Variants in WWOX observed in about 807,000 individuals in gnomAD.
The protein encoded by WWOX is WW domain containing oxidoreductase.
WWOX carries 69 observed loss-of-function variants against 46.2 expected under a neutral mutation model. The observed-to-expected ratio is 1.49, with a 90% CI of 1.23 to 1.82. WWOX has a LOEUF of 1.82. Ranked by LOEUF, WWOX falls within the 40% of genes most tolerant of loss-of-function variation. The pLI, the probability that WWOX is intolerant of heterozygous loss-of-function variation, is 0.00. For synonymous variants in WWOX, 359 were observed against 202.6 expected, an observed-to-expected ratio of 1.77 and a Z score of -6.56; for missense variants, 919 against 542.6, an observed-to-expected ratio of 1.69 and a Z score of -6.89.
rs147479499 is a variant in WWOX, at chr16:79,113,088, A to G, written c.1057-98520A>G. Among the ~76,000 whole-genome samples, 740 of 152,352 alleles carry G rather than the reference A, an allele frequency of 4.9e-3. 8 individuals carry two copies. Among genetic ancestry groups the G allele is most frequent in the African/African-American group, 0.017 (714 of 41,576 alleles). On this transcript the variant is annotated intron_variant, in intron 8 of 8. Coordinates refer to ENST00000566780, the MANE Select transcript of WWOX (RefSeq NM_016373.4). The stretch of plus-strand genomic sequence containing the variant: ...TGGTACCAGAACTCGGTCTGGTGGA[A>G]CAGAGAGATTAAGCAATCAGAAAAA...
chr16:78,412,548 G>A (rs1360711154), intron 6 of WWOX, among the ~76,000 whole-genome samples: 2 of 152,162 alleles, frequency 1.3e-5, no homozygotes, highest in African/African-American at 4.8e-5. Context: ...AAAAGAGGAA[G>A]GGTTGGAGGA....
chr16:78,639,794 G>T (rs955210004), intron 8 of WWOX, among the ~76,000 whole-genome samples: 9 of 152,128 alleles, frequency 5.9e-5, no homozygotes, highest in Non-Finnish European at 1.0e-4. Flanking sequence ...TTGAACTCCT[G>T]ACCTCAGGTG....
intron 8 of WWOX, among the ~76,000 whole-genome samples, chr16:78,602,742 T>G (rs1016610743): frequency 2.0e-5 from 3 of 152,354 alleles, no homozygotes; most frequent in African/African-American, 7.2e-5. Context: ...TACTGTATGC[T>G]GGGCACTGCA....
At chr16:78,999,371 G>A (rs1445458598) in intron 8 of WWOX, among the ~76,000 whole-genome samples, 1 of 152,186 alleles carries the variant, frequency 6.6e-6, no homozygotes, top group Non-Finnish European at 1.5e-5. Flanking sequence ...TCGAGAGGCT[G>A]AGGCAGGAGA....
intron 8 of WWOX, among the ~76,000 whole-genome samples, chr16:78,742,484 A>T (rs1043010505): frequency 2.6e-5 from 4 of 152,230 alleles, no homozygotes; most frequent in Non-Finnish European, 5.9e-5. Context: ...GTATTTATCT[A>T]CAGCGTGGAC....
At chr16:78,415,754 C>T (rs1870093599) in intron 6 of WWOX, among the ~76,000 whole-genome samples, 2 of 152,164 alleles carry the variant, frequency 1.3e-5, no homozygotes, top group South Asian at 2.1e-4. Flanking sequence ...TCCACTCTTG[C>T]CAGAAAGCCT....
chr16:79,155,334 C>T (rs1272355516), intron 8 of WWOX, among the ~76,000 whole-genome samples: 1 of 152,044 alleles, frequency 6.6e-6, no homozygotes, highest in Non-Finnish European at 1.5e-5. Context: ...TGAGATCACG[C>T]CATTGCACTC....
intron 8 of WWOX, among the ~76,000 whole-genome samples, chr16:78,832,499 T>A (rs1025948006): frequency 6.6e-6 from 1 of 152,180 alleles, no homozygotes; most frequent in Non-Finnish European, 1.5e-5. Context: ...ATCAAAGAAC[T>A]TGTGGGCATA....
chr16:78,720,955 A>C (rs1393679896), intron 8 of WWOX, among the ~76,000 whole-genome samples: 1 of 152,150 alleles, frequency 6.6e-6, no homozygotes, highest in African/African-American at 2.4e-5. Context: ...TCATCAGGGG[A>C]GCCAAGTGGA....
intron 8 of WWOX, among the ~76,000 whole-genome samples, chr16:78,560,109 G>A (rs1193903958): frequency 6.6e-6 from 1 of 152,194 alleles, no homozygotes; most frequent in Non-Finnish European, 1.5e-5. Context: ...CTGCAGTTCA[G>A]GAGATTATAT....
intron 8 of WWOX, among the ~76,000 whole-genome samples, chr16:78,549,926 A>G (rs888335059): frequency 3.9e-5 from 6 of 152,156 alleles, no homozygotes; most frequent in Admixed American, 6.5e-5. Flanking sequence ...GACTGAGAAA[A>G]AAGAAAGAAA....
At chr16:79,032,958 C>G (rs1035703833) in intron 8 of WWOX, among the ~76,000 whole-genome samples, 1 of 151,380 alleles carries the variant, frequency 6.6e-6, no homozygotes, top group African/African-American at 2.4e-5. Flanking sequence ...TCTTTTGTTC[C>G]CCTCTTTGTG....
At chr16:78,771,965 C>G (rs950516518) in intron 8 of WWOX, among the ~76,000 whole-genome samples, 1 of 152,112 alleles carries the variant, frequency 6.6e-6, no homozygotes, top group East Asian at 1.9e-4. Flanking sequence ...ATACTTCCCT[C>G]TCAGTGTATT....
At chr16:79,167,904 C>G (rs967312276) in intron 8 of WWOX, among the ~76,000 whole-genome samples, 1 of 152,184 alleles carries the variant, frequency 6.6e-6, no homozygotes, top group Non-Finnish European at 1.5e-5. Context: ...GCCCCATTCC[C>G]TTCTTCCAAC....
intron 8 of WWOX, among the ~76,000 whole-genome samples, chr16:78,470,175 G>C (rs1210774431): frequency 6.6e-6 from 1 of 152,204 alleles, no homozygotes; most frequent in Non-Finnish European, 1.5e-5. Context: ...CTGCCCTGCT[G>C]TTGTCTGCAC....
intron 8 of WWOX, among the ~76,000 whole-genome samples, chr16:78,815,037 C>G (rs1262782199): frequency 6.6e-6 from 1 of 152,272 alleles, no homozygotes; most frequent in South Asian, 2.1e-4. Flanking sequence ...TAGAAGGTTT[C>G]GTCCAGGCCG....
intron 6 of WWOX, among the ~76,000 whole-genome samples, chr16:78,398,793 G>T (rs2082346520): frequency 6.6e-6 from 1 of 152,138 alleles, no homozygotes; most frequent in Non-Finnish European, 1.5e-5. Flanking sequence ...ACACCACTCT[G>T]GGTTGTTGAG....
intron 8 of WWOX, among the ~76,000 whole-genome samples, chr16:78,462,860 T>G (rs372482865): frequency 9.8e-4 from 149 of 152,342 alleles, no homozygotes; most frequent in African/African-American, 3.5e-3. Context: ...AAATTTTTGT[T>G]GCTTTCCTGG....
At chr16:79,209,571 A>C (rs1295474266) in intron 8 of WWOX, among the ~76,000 whole-genome samples, 3 of 152,194 alleles carry the variant, frequency 2.0e-5, no homozygotes. Flanking sequence ...TCGGGAGTTA[A>C]TGGCAAGTCA....
Sources: allele counts gnomAD v4.1 joint callset (sites outside exome capture counted in the v4.1 genomes callset), GRCh38; gene constraint gnomAD v4.1.1; transcripts MANE v1.5; gene names NCBI Gene and HGNC (gene_info 2026-07-23, HGNC 2026-07-21).